The following GABRA2 variants were observed in gnomAD, a reference collection of about 807,000 sequenced individuals.
GABRA2 encodes gamma-aminobutyric acid type A receptor subunit alpha2.
Under a neutral mutation model 48.7 loss-of-function variants are expected in GABRA2, and 16 were observed. The observed-to-expected ratio is 0.33, with a 90% CI of 0.22 to 0.50. The LOEUF (loss-of-function observed/expected upper bound fraction) is 0.50. Among genes scored for constraint, GABRA2 ranks in the 20% least tolerant of loss-of-function variants. GABRA2 has a pLI of 0.98. For missense variants in GABRA2, 275 were observed against 535.6 expected (o/e 0.51, Z 4.80); for synonymous variants, 185 against 184.5 (o/e 1.00, Z -0.02).
chr4:46,388,587 A>C (rs201435478), intron 2 of GABRA2, 49 bp downstream of exon 2: 2 of 1,604,254 alleles, frequency 1.2e-6, no homozygotes, highest in Non-Finnish European at 1.7e-6. Context: ...CCTACAAGAA[A>C]CACATCTTTG....
At chr4:46,310,555 A>G (rs1283636263) in intron 5 of GABRA2, among the ~76,000 whole-genome samples, 1 of 152,160 alleles carries the variant, frequency 6.6e-6, no homozygotes, top group African/African-American at 2.4e-5. Flanking sequence ...TAAGCTCACT[A>G]TTAACACTTG....
At chr4:46,304,155 G>A (rs151317032) in intron 7 of GABRA2, among the ~76,000 whole-genome samples, 17 of 152,240 alleles carry the variant, frequency 1.1e-4, no homozygotes, top group South Asian at 4.1e-4. Flanking sequence ...TCTGCCAACA[G>A]TTTATTTTAC....
At chr4:46,347,435 C>T (rs917244165) in intron 3 of GABRA2, among the ~76,000 whole-genome samples, 8 of 151,736 alleles carry the variant, frequency 5.3e-5, no homozygotes, top group Admixed American at 2.6e-4. Context: ...CAGAAATAAA[C>T]CCACATATCC....
At chr4:46,260,367 A>G (rs1032516423) in intron 9 of GABRA2, among the ~76,000 whole-genome samples, 1 of 151,974 alleles carries the variant, frequency 6.6e-6, no homozygotes, top group Non-Finnish European at 1.5e-5. Flanking sequence ...ACTTAAATCC[A>G]CTATACATGA....
chr4:46,385,101 AT>A (rs1239833924), intron 3 of GABRA2, among the ~76,000 whole-genome samples: 7 of 148,694 alleles, frequency 4.7e-5, no homozygotes, highest in African/African-American at 1.7e-4. Flanking sequence ...ATATATATAT[AT>A]ATATATAAAC....
At chr4:46,330,585 T>TAGAG (rs1284493121) in intron 4 of GABRA2, among the ~76,000 whole-genome samples, 443 of 117,624 alleles carry the variant, frequency 3.8e-3, no homozygotes, top group Middle Eastern at 0.014. Flanking sequence ...TATATATATA[T>TAGAG]ATATATAGAG....
chr4:46,282,257 G>A (rs775816832), intron 8 of GABRA2, among the ~76,000 whole-genome samples: 2 of 152,226 alleles, frequency 1.3e-5, no homozygotes, highest in East Asian at 3.9e-4. Context: ...CTCAAGGAGT[G>A]GCCTGTGACC....
At chr4:46,374,293 AT>A (rs1240891889) in intron 3 of GABRA2, among the ~76,000 whole-genome samples, 1 of 152,128 alleles carries the variant, frequency 6.6e-6, no homozygotes, top group Non-Finnish European at 1.5e-5. Flanking sequence ...CCCCCATGAC[AT>A]TTGTCTTCCT....
intron 3 of GABRA2, among the ~76,000 whole-genome samples, chr4:46,350,714 A>T (rs1734975660): frequency 6.6e-6 from 1 of 152,066 alleles, no homozygotes; most frequent in East Asian, 1.9e-4. Flanking sequence ...TTCTGATTTC[A>T]TTCTTTTTCC....
chr4:46,249,956 C>T lies in GABRA2; in HGVS notation c.*352G>A, dbSNP rs1714399800. 2 of 182,408 alleles carry T rather than the reference C, an allele frequency of 1.1e-5. No individual in the cohort carries two copies. Among genetic ancestry groups the T allele is most frequent in the Admixed American group, 5.7e-5 (1 of 17,542 alleles). The allele number at this position is 182,408 out of a possible 1,614,324, so 11.3% of individuals were successfully genotyped here. On this transcript the variant is annotated 3_prime_UTR_variant, in exon 10 of 10. Transcript: ENST00000381620. The stretch of plus-strand genomic sequence containing the variant: ...TAATTAAGCAACAGTAGAAAATACC[C>T]CTACTTAAGAGCTAAACCAAAAGGG...
Position 46,256,097 on chromosome 4 carries a change from A to C in GABRA2, c.1060-5493T>G, listed in dbSNP as rs564237566. On this transcript the variant is annotated intron_variant, in intron 9 of 9. Transcript: ENST00000381620. Reference sequence around the variant, plus strand: ...TTTTTACAGTTATTGTGGCTACTAGAAAGCTCATTACTTGTAAAATAACAA... The same window carrying C: ...TTTTTACAGTTATTGTGGCTACTAGCAAGCTCATTACTTGTAAAATAACAA... The C allele has an allele frequency of 5.4e-3, 2,378 of 437,340 alleles. 14 individuals are homozygous for C. The highest frequency in any genetic ancestry group is 7.6e-3 in the Non-Finnish European group (1,873 of 244,992). 27.1% of individuals were successfully genotyped at this position (437,340 alleles called of 1,614,324 possible).
intron 9 of GABRA2, among the ~76,000 whole-genome samples, chr4:46,251,367 A>G (rs1230103184): frequency 1.3e-5 from 2 of 151,478 alleles, no homozygotes; most frequent in Non-Finnish European, 3.0e-5. Flanking sequence ...CTTAAATAAT[A>G]TTTCATGGAA....
chr4:46,291,143 T>C (rs2109535123), intron 8 of GABRA2, among the ~76,000 whole-genome samples: 1 of 152,300 alleles, frequency 6.6e-6, no homozygotes, highest in East Asian at 1.9e-4. Flanking sequence ...TGGAGGAGTT[T>C]GGAGATGATT....
At chr4:46,295,992 T>C (rs1033677373) in intron 8 of GABRA2, among the ~76,000 whole-genome samples, 26 of 152,176 alleles carry the variant, frequency 1.7e-4, no homozygotes, top group Non-Finnish European at 2.9e-5. Flanking sequence ...GCTCATGGAA[T>C]TCATTGTTTA....
intron 3 of GABRA2, among the ~76,000 whole-genome samples, chr4:46,371,270 C>T (rs923353667): frequency 6.6e-6 from 1 of 152,136 alleles, no homozygotes; most frequent in Non-Finnish European, 1.5e-5. Context: ...TAAAGAACAT[C>T]ATCCCTTTTA....
chr4:46,337,766 G>A (rs1411871471), intron 3 of GABRA2, among the ~76,000 whole-genome samples: 1 of 151,896 alleles, frequency 6.6e-6, no homozygotes. Context: ...GTTAGAGGAT[G>A]TGTGGAGCCT....
chr4:46,376,526 A>G (rs1006422920), intron 3 of GABRA2, among the ~76,000 whole-genome samples: 44 of 152,304 alleles, frequency 2.9e-4, no homozygotes, highest in African/African-American at 9.9e-4. Flanking sequence ...CGATGGTTGA[A>G]AAAACCAACT....
intron 3 of GABRA2, among the ~76,000 whole-genome samples, chr4:46,377,803 A>G (rs1368004679): frequency 8.3e-6 from 1 of 120,354 alleles, no homozygotes; most frequent in East Asian, 2.8e-4. Context: ...GGCCGCCCCT[A>G]CTGGGAAGTG....
rs1167929687 is a variant in GABRA2, at chr4:46,247,416, T to A, written c.*2892A>T. Among the ~76,000 whole-genome samples, 1 of 151,146 alleles carries A rather than the reference T, an allele frequency of 6.6e-6. No homozygotes were observed. The highest frequency in any genetic ancestry group is 1.5e-5 in the Non-Finnish European group (1 of 67,426). On this transcript the variant is annotated 3_prime_UTR_variant, in exon 10 of 10. Transcript: ENST00000381620. ...ATAAGAATGAGATGCACTTAAAATTTCAACTAAATTCAGTGGGTGTGACAT... is the reference window on the plus strand; with the variant it reads ...ATAAGAATGAGATGCACTTAAAATTACAACTAAATTCAGTGGGTGTGACAT...
Sources: allele counts gnomAD v4.1 joint callset (sites outside exome capture counted in the v4.1 genomes callset), GRCh38; gene constraint gnomAD v4.1.1; transcripts MANE v1.5; gene names NCBI Gene and HGNC (gene_info 2026-07-23, HGNC 2026-07-21).